Variants in FBXO10 observed in about 807,000 individuals in gnomAD.
FBXO10 encodes the protein F-box only protein 10.
A neutral mutation model predicts 80.7 loss-of-function variants in FBXO10; 39 were observed. The observed-to-expected ratio is 0.48, with a 90% CI of 0.37 to 0.63. FBXO10 has a LOEUF of 0.63. Ranked by LOEUF, FBXO10 falls within the 30% of genes least tolerant of loss-of-function variation. The pLI is 0.00. For missense variants in FBXO10, 1,025 were observed against 1,269.0 expected (o/e 0.81, Z 2.92); for synonymous variants, 449 against 489.6 (o/e 0.92, Z 1.09).
rs190860801 is a variant in FBXO10 at position 37,562,951 on chromosome 9, T to C, written c.-7+13260A>G. 1.5e-3 allele frequency among the ~76,000 whole-genome samples: 221 copies of C among 151,736 alleles called. 1 individual carries two copies. The highest frequency in any genetic ancestry group is 2.7e-3 in the Non-Finnish European group (185 of 67,896). On this transcript the variant is annotated intron_variant, in intron 1 of 10. Transcript: ENST00000432825. Reference sequence around the variant, plus strand: ...TCCCACAATTCAAGGGGAAAAATGCTTAGTGCCTGATATGGTTTGGCTGTG... The same window carrying C: ...TCCCACAATTCAAGGGGAAAAATGCCTAGTGCCTGATATGGTTTGGCTGTG...
At position 37,537,589 on chromosome 9, in the gene FBXO10, C is replaced by T. The variant is rs1445595119; in HGVS notation, c.940G>A (p.Glu314Lys). 6.2e-6 allele frequency: 10 copies of T among 1,613,798 alleles called. No individual in the cohort carries two copies. The highest frequency in any genetic ancestry group is 2.2e-5 in the East Asian group (1 of 44,880). Reference sequence around the variant, plus strand: ...GGGCTGGTAGGGCTCTGGCTGCCCTCGATAACAATGTCACAGGTCTTTGGG... The same window carrying T: ...GGGCTGGTAGGGCTCTGGCTGCCCTTGATAACAATGTCACAGGTCTTTGGG... ...WSPKTCDIVI[E>K]GSQSPTSPAS... The change falls in exon 3 of 11, where the codon GAG becomes AAG. Residue 314 changes from glutamate to lysine, a missense_variant. Physicochemically the swap from Glu to Lys is moderately conservative, Grantham distance 56 (BLOSUM62 1). Transcript: ENST00000432825.
At chr9:37,534,639 C>T in intron 3 of FBXO10, among the ~76,000 whole-genome samples, 1 of 152,196 alleles carries the variant, frequency 6.6e-6, no homozygotes, top group Admixed American at 6.5e-5. Context: ...CACCTGTTCA[C>T]TTCTCTGTGG....
intron 1 of FBXO10, among the ~76,000 whole-genome samples, chr9:37,545,806 G>A (rs973800234): frequency 3.3e-5 from 5 of 152,312 alleles, no homozygotes; most frequent in South Asian, 2.1e-4. Flanking sequence ...AAATATATGA[G>A]GCAAGTGAAT....
At chr9:37,557,816 T>A (rs1431809232) in intron 1 of FBXO10, among the ~76,000 whole-genome samples, 1 of 152,216 alleles carries the variant, frequency 6.6e-6, no homozygotes, top group Non-Finnish European at 1.5e-5. Flanking sequence ...TTTCATTTTT[T>A]TCCTTATTAT....
At chr9:37,545,011 A>AAG (rs1554647296) in intron 1 of FBXO10, among the ~76,000 whole-genome samples, 1,421 of 139,376 alleles carry the variant, frequency 0.01, 64 homozygotes, top group African/African-American at 0.034. Context: ...AAAAAAAAAA[A>AAG]AGAGAGAGAA....
At chr9:37,570,722 C>A (rs917033710) in intron 1 of FBXO10, among the ~76,000 whole-genome samples, 2 of 152,106 alleles carry the variant, frequency 1.3e-5, no homozygotes, top group Non-Finnish European at 2.9e-5. Context: ...CGGCCAGGTG[C>A]GGTGGCTCAC....
At chr9:37,543,425 A>T (rs1821974938) in intron 1 of FBXO10, among the ~76,000 whole-genome samples, 1 of 152,192 alleles carries the variant, frequency 6.6e-6, no homozygotes, top group Non-Finnish European at 1.5e-5. Context: ...ATGGTGGGGA[A>T]TGAGTGGCCC....
At chr9:37,523,089 T>C in intron 6 of FBXO10, 112 bp from the exon 7 acceptor site, 1 of 1,218,674 alleles carries the variant, frequency 8.2e-7, no homozygotes, top group Middle Eastern at 2.4e-4. Context: ...GGCCCTGGCC[T>C]TACCCTGCCA....
At chr9:37,544,822 G>A (rs887135198) in intron 1 of FBXO10, among the ~76,000 whole-genome samples, 4 of 151,634 alleles carry the variant, frequency 2.6e-5, no homozygotes, top group Non-Finnish European at 4.4e-5. Context: ...GTGAAACCCC[G>A]TCTCTACTAA....
chr9:37,567,284 G>A (rs1822632420), intron 1 of FBXO10, among the ~76,000 whole-genome samples: 2 of 150,670 alleles, frequency 1.3e-5, no homozygotes, highest in Admixed American at 6.6e-5. Flanking sequence ...CTGGGACTAT[G>A]GGCACACGCT....
chr9:37,530,204 G>C (rs963199428), intron 4 of FBXO10, among the ~76,000 whole-genome samples: 2 of 152,196 alleles, frequency 1.3e-5, no homozygotes, highest in Non-Finnish European at 2.9e-5. Flanking sequence ...TGGGAAGTTA[G>C]CTGTATCTCT....
intron 1 of FBXO10, among the ~76,000 whole-genome samples, chr9:37,552,153 C>T (rs763836861): frequency 3.3e-5 from 5 of 152,216 alleles, no homozygotes; most frequent in Non-Finnish European, 7.3e-5. Flanking sequence ...CTCCTATATC[C>T]CTTCTTTCCC....
chr9:37,542,442 A>G (rs1250259800), intron 1 of FBXO10, among the ~76,000 whole-genome samples: 1 of 151,978 alleles, frequency 6.6e-6, no homozygotes, highest in African/African-American at 2.4e-5. Flanking sequence ...TGAAAAATAC[A>G]AAATTAGCCG....
chr9:37,569,395 C>CAAAAAAA, intron 1 of FBXO10, among the ~76,000 whole-genome samples: 1 of 123,110 alleles, frequency 8.1e-6, no homozygotes, highest in Non-Finnish European at 1.6e-5. Flanking sequence ...AGATATAAAG[C>CAAAAAAA]AAAAAAAAAA....
intron 1 of FBXO10, among the ~76,000 whole-genome samples, chr9:37,543,016 ATCTG>A (rs1299956744): frequency 6.6e-6 from 1 of 152,166 alleles, no homozygotes; most frequent in African/African-American, 2.4e-5. Context: ...GTGACTGTCC[ATCTG>A]TCTGTCTCTG....
chr9:37,515,449 G>A (rs1020439527), intron 10 of FBXO10: 12 of 153,410 alleles, frequency 7.8e-5, no homozygotes, highest in Non-Finnish European at 7.3e-5. Flanking sequence ...TGGTGATGTC[G>A]CTGAAATGGA....
chr9:37,567,850 C>T (rs1379119453), intron 1 of FBXO10, among the ~76,000 whole-genome samples: 3 of 152,214 alleles, frequency 2.0e-5, no homozygotes, highest in African/African-American at 7.2e-5. Context: ...CTGCCCAGCA[C>T]CTTCCCTCTT....
intron 1 of FBXO10, among the ~76,000 whole-genome samples, chr9:37,545,628 A>C (rs1421211109): frequency 6.6e-6 from 1 of 152,198 alleles, no homozygotes; most frequent in East Asian, 1.9e-4. Flanking sequence ...TTCTAGCTCC[A>C]CACGTGAATA....
At chr9:37,574,020 C>T (rs962865775) in intron 1 of FBXO10, among the ~76,000 whole-genome samples, 3 of 152,162 alleles carry the variant, frequency 2.0e-5, no homozygotes, top group African/African-American at 7.2e-5. Flanking sequence ...GAAGCAGGTA[C>T]AAGGAATTTG....
Sources: allele counts gnomAD v4.1 joint callset (sites outside exome capture counted in the v4.1 genomes callset), GRCh38; gene constraint gnomAD v4.1.1; transcripts MANE v1.5; gene names NCBI Gene and HGNC (gene_info 2026-07-23, HGNC 2026-07-21).